Variants in UBTD1 observed in about 807,000 individuals in gnomAD.
The protein encoded by UBTD1 is ubiquitin domain-containing protein 1.
UBTD1 carries 19 observed loss-of-function variants against 21.7 expected under a neutral mutation model. The observed-to-expected ratio is 0.87, with a 90% CI of 0.61 to 1.28. The LOEUF (loss-of-function observed/expected upper bound fraction) is 1.28, where lower values mean the gene tolerates loss of function less well. UBTD1 is among the 50% of genes most tolerant of loss of function. UBTD1 has a pLI of 0.00. For missense variants in UBTD1, 282 were observed against 315.1 expected (o/e 0.89, Z 0.80); for synonymous variants, 116 against 135.1 (o/e 0.86, Z 0.98).
chr10:97,522,510 C>T (rs936777448), intron 1 of UBTD1, among the ~76,000 whole-genome samples: 2 of 152,204 alleles, frequency 1.3e-5, no homozygotes, highest in African/African-American at 2.4e-5. Flanking sequence ...ACTTGTCTTA[C>T]AGAGTGGTGA....
chr10:97,556,639 C>T (rs111912519), intron 1 of UBTD1, among the ~76,000 whole-genome samples: 2,397 of 152,258 alleles, frequency 0.016, 62 homozygotes, highest in African/African-American at 0.055. Flanking sequence ...TCGTTTTTCG[C>T]GGGAAGCATA....
intron 1 of UBTD1, among the ~76,000 whole-genome samples, chr10:97,553,128 G>A (rs2040648197): frequency 6.6e-6 from 1 of 152,152 alleles, no homozygotes; most frequent in Non-Finnish European, 1.5e-5. Flanking sequence ...GTATCTTTTT[G>A]TTTTTGTTTT....
At chr10:97,551,840 C>G (rs1251720610) in intron 1 of UBTD1, among the ~76,000 whole-genome samples, 1 of 152,086 alleles carries the variant, frequency 6.6e-6, no homozygotes, top group Non-Finnish European at 1.5e-5. Context: ...AAAATATAAA[C>G]CAAGAAGAAA....
At chr10:97,561,775 A>G (rs1220291088) in intron 1 of UBTD1, among the ~76,000 whole-genome samples, 1 of 152,142 alleles carries the variant, frequency 6.6e-6, no homozygotes, top group African/African-American at 2.4e-5. Flanking sequence ...AAAACCATAT[A>G]AAACAATATG....
chr10:97,511,177 TTTCTTGTA>T (rs1386856215), intron 1 of UBTD1, among the ~76,000 whole-genome samples: 1 of 152,186 alleles, frequency 6.6e-6, no homozygotes, highest in African/African-American at 2.4e-5. Flanking sequence ...TGCTGTTCGA[TTTCTTGTA>T]TACTGCTACT....
chr10:97,540,386 A>AGTATCTTGT (rs2040582075), intron 1 of UBTD1, among the ~76,000 whole-genome samples: 1 of 152,234 alleles, frequency 6.6e-6, no homozygotes, highest in Non-Finnish European at 1.5e-5. Context: ...CCTGACACTC[A>AGTATCTTGT]GGAGACGCAG....
intron 1 of UBTD1, among the ~76,000 whole-genome samples, chr10:97,564,987 C>A (rs78182621): frequency 0.017 from 2,520 of 152,292 alleles, 81 homozygotes; most frequent in African/African-American, 0.057. Flanking sequence ...AAGTCCCCGC[C>A]CCTTCAAGTT....
At chr10:97,543,307 G>C (rs541470596) in intron 1 of UBTD1, among the ~76,000 whole-genome samples, 55 of 152,342 alleles carry the variant, frequency 3.6e-4, no homozygotes, top group African/African-American at 1.2e-3. Context: ...ATGGGCCGAG[G>C]AGGAGGAAGA....
intron 1 of UBTD1, among the ~76,000 whole-genome samples, chr10:97,558,306 G>A (rs1231862244): frequency 6.6e-6 from 1 of 152,230 alleles, no homozygotes; most frequent in Non-Finnish European, 1.5e-5. Flanking sequence ...GATCTTCACA[G>A]AGCAAGCTTT....
At position 97,554,909 on chromosome 10, in the gene UBTD1, C is replaced by T. The variant is rs112430531; in HGVS notation, c.71-13005C>T. On this transcript the variant is annotated intron_variant, in intron 1 of 2. Transcript: ENST00000370664. ...CTGGTCTCTTTCTTCTGTGGGAAGC[C>T]TCTTTTGTAGACAGTGCTGACAGCT... 2.5e-3 allele frequency among the ~76,000 whole-genome samples: 385 copies of T among 152,232 alleles called. 1 individual carries two copies. Among genetic ancestry groups the T allele is most frequent in the South Asian group, 4.8e-3 (23 of 4,826 alleles).
chr10:97,559,719 GA>G (rs1477178831), intron 1 of UBTD1, among the ~76,000 whole-genome samples: 1 of 152,050 alleles, frequency 6.6e-6, no homozygotes, highest in East Asian at 1.9e-4. Flanking sequence ...TTTTGTAAAA[GA>G]GCAGGTTGAT....
intron 1 of UBTD1, among the ~76,000 whole-genome samples, chr10:97,514,974 G>GA (rs1474296710): frequency 1.1e-4 from 16 of 152,208 alleles, no homozygotes; most frequent in African/African-American, 3.9e-4. Flanking sequence ...CATAGGATCT[G>GA]GCATAAATAA....
At chr10:97,529,172 C>T (rs371906460) in intron 1 of UBTD1, among the ~76,000 whole-genome samples, 32,159 of 150,518 alleles carry the variant, frequency 0.21, 3,700 homozygotes, top group Non-Finnish European at 0.27. Flanking sequence ...GATGGGCGGC[C>T]GGGCAGAGAC....
chr10:97,569,096 T>G (rs2040732587), intron 2 of UBTD1, among the ~76,000 whole-genome samples: 1 of 152,242 alleles, frequency 6.6e-6, no homozygotes, highest in African/African-American at 2.4e-5. Flanking sequence ...GTGCTGGGAT[T>G]ACAGGCGTGA....
At position 97,499,022 on chromosome 10, in the gene UBTD1, C is replaced by T. The variant is rs1011271526; in HGVS notation, c.-182C>T. ...CCGTGCTGGGGAGTCTGCCACTTCC[C>T]TCTCTCCCCTGGCCCGCAAAGTTTT... is the stretch of plus-strand genomic sequence containing the variant. On this transcript the variant is annotated 5_prime_UTR_variant, in exon 1 of 3. Coordinates refer to ENST00000370664, the MANE Select transcript of UBTD1 (RefSeq NM_024954.5). 2.6e-5 allele frequency: 17 copies of T among 659,368 alleles called. No individual in the cohort carries two copies. Among genetic ancestry groups the T allele is most frequent in the Non-Finnish European group, 3.9e-5 (16 of 411,262 alleles). 40.8% of individuals were successfully genotyped at this position (659,368 alleles called of 1,614,324 possible).
At chr10:97,540,768 G>A (rs930465111) in intron 1 of UBTD1, among the ~76,000 whole-genome samples, 3 of 152,196 alleles carry the variant, frequency 2.0e-5, no homozygotes, top group Non-Finnish European at 4.4e-5. Context: ...GTATCTAGAC[G>A]TCAGCATGAA....
chr10:97,529,964 T>C (rs2040520344), intron 1 of UBTD1, among the ~76,000 whole-genome samples: 2 of 152,202 alleles, frequency 1.3e-5, no homozygotes, highest in African/African-American at 2.4e-5. Context: ...AACTCCAGCT[T>C]GTTCTTTGGT....
chr10:97,528,223 G>T (rs1410322949), intron 1 of UBTD1, among the ~76,000 whole-genome samples: 12 of 106,692 alleles, frequency 1.1e-4, no homozygotes, highest in Admixed American at 2.5e-4. Context: ...CGGGCAGAGG[G>T]GCTCCTCACT....
At chr10:97,563,752 C>G (rs1429872702) in intron 1 of UBTD1, among the ~76,000 whole-genome samples, 1 of 151,898 alleles carries the variant, frequency 6.6e-6, no homozygotes, top group Non-Finnish European at 1.5e-5. Context: ...TATGACTAGA[C>G]AGAAGATAGG....
Sources: allele counts gnomAD v4.1 joint callset (sites outside exome capture counted in the v4.1 genomes callset), GRCh38; gene constraint gnomAD v4.1.1; transcripts MANE v1.5; gene names NCBI Gene and HGNC (gene_info 2026-07-23, HGNC 2026-07-21).